KCNT2: variants seen among roughly 807,000 people sequenced by gnomAD.
KCNT2 encodes potassium channel subfamily T member 2.
KCNT2 carries 67 observed loss-of-function variants against 153.8 expected under a neutral mutation model. That is an observed-to-expected ratio of 0.44 (90% CI 0.36 to 0.53). The LOEUF (loss-of-function observed/expected upper bound fraction) is 0.53, where lower values mean the gene tolerates loss of function less well. Among genes scored for constraint, KCNT2 ranks in the 20% least tolerant of loss-of-function variants. KCNT2 has a pLI of 0.00. For synonymous variants in KCNT2, 500 were observed against 458.8 expected, an observed-to-expected ratio of 1.09 and a Z score of -1.15; for missense variants, 975 against 1,354.8, an observed-to-expected ratio of 0.72 and a Z score of 4.40.
At chr1:196,576,086 ATATATG>A (rs72389184) in intron 1 of KCNT2, among the ~76,000 whole-genome samples, 63 of 150,322 alleles carry the variant, frequency 4.2e-4, no homozygotes, top group East Asian at 2.1e-3. Flanking sequence ...ATATATATAT[ATATATG>A]TGTGTGTGTG....
Position 196,607,368 on chromosome 1 carries a change from G to A in KCNT2, c.95+847C>T, listed in dbSNP as rs192900090. 4.6e-5 allele frequency among the ~76,000 whole-genome samples: 7 copies of A among 152,314 alleles called. No homozygotes were observed. In the East Asian group the frequency reaches 7.7e-4, roughly 17 times the overall value. On this transcript the variant is annotated intron_variant, in intron 1 of 27. Transcript: ENST00000294725. ...TATTCCAGAAAATACTAAATTCGCT[G>A]AAATACAAAATGTGCTTGAGACAGA...
intron 26 of KCNT2, among the ~76,000 whole-genome samples, chr1:196,249,825 T>C (rs550397465): frequency 6.6e-6 from 1 of 151,030 alleles, no homozygotes; most frequent in Admixed American, 6.6e-5. Flanking sequence ...AACAATCTGA[T>C]AAAATCAAGA....
At chr1:196,316,250 G>A (rs1012611841) in intron 20 of KCNT2, among the ~76,000 whole-genome samples, 1 of 151,444 alleles carries the variant, frequency 6.6e-6, no homozygotes, top group Admixed American at 6.6e-5. Context: ...GATCTCAACT[G>A]TTTCAAAATA....
At chr1:196,409,053 G>GCA (rs1174554411) in intron 12 of KCNT2, among the ~76,000 whole-genome samples, 4 of 148,422 alleles carry the variant, frequency 2.7e-5, no homozygotes, top group Non-Finnish European at 6.0e-5. Context: ...TTTATATGAA[G>GCA]CACACACACA....
intron 14 of KCNT2, among the ~76,000 whole-genome samples, chr1:196,369,580 G>T (rs1170743772): frequency 6.6e-6 from 1 of 151,640 alleles, no homozygotes; most frequent in African/African-American, 2.4e-5. Flanking sequence ...GTGGTGTTTG[G>T]TTTTTTGTTC....
chr1:196,336,920 C>T (rs1418333583), intron 16 of KCNT2, among the ~76,000 whole-genome samples: 6 of 152,114 alleles, frequency 3.9e-5, no homozygotes, highest in Non-Finnish European at 8.8e-5. Context: ...TTCTTCTCAT[C>T]CCCCTGATAC....
In KCNT2 at chr1:196,299,052, C is replaced by A. The variant is rs188783598; in HGVS notation, c.2595+6182G>T. ...CAAAAGCAATTTTAAAGAAAGCAGT[C>A]TTGAAGCAAATTGTGCACAGATACA... On this transcript the variant is annotated intron_variant, in intron 22 of 27. Transcript: ENST00000294725. Among the ~76,000 whole-genome samples, 6 of 151,914 alleles carry A rather than the reference C, an allele frequency of 3.9e-5. No homozygotes were observed. In the East Asian group the frequency reaches 1.2e-3, roughly 29 times the overall value.
chr1:196,407,312 G>A (rs1671908329), intron 12 of KCNT2, among the ~76,000 whole-genome samples: 1 of 151,428 alleles, frequency 6.6e-6, no homozygotes, highest in Admixed American at 6.6e-5. Context: ...AGGTTATCTT[G>A]ACGGCGTGTA....
chr1:196,602,872 C>T (rs568339298), intron 1 of KCNT2, among the ~76,000 whole-genome samples: 4 of 149,074 alleles, frequency 2.7e-5, no homozygotes, highest in East Asian at 2.0e-4. Flanking sequence ...CTGCAAGCTC[C>T]GCCTCCCAGG....
intron 1 of KCNT2, among the ~76,000 whole-genome samples, chr1:196,603,066 G>A (rs1165538890): frequency 3.9e-5 from 6 of 152,060 alleles, no homozygotes; most frequent in African/African-American, 9.7e-5. Flanking sequence ...GATTACAGGC[G>A]TGAGCCACCG....
At chr1:196,230,620 T>C (rs1653868648) in intron 27 of KCNT2, among the ~76,000 whole-genome samples, 1 of 151,950 alleles carries the variant, frequency 6.6e-6, no homozygotes, top group African/African-American at 2.4e-5. Flanking sequence ...TCGATGACTT[T>C]GAGGGGATCA....
rs139358719 is a variant in KCNT2, at chr1:196,294,792, G to GATAT, written c.2596-9038_2596-9035dup. On this transcript the variant is annotated intron_variant, in intron 22 of 27. Coordinates refer to ENST00000294725, the MANE Select transcript of KCNT2 (RefSeq NM_198503.5). Reference sequence around the variant, plus strand: ...TCAGATTAACGGATAAAGAAAATATGATATATATATATATATACATAATGG... The same window carrying GATAT: ...TCAGATTAACGGATAAAGAAAATATGATATATATATATATATATATACATAATGG... Among the ~76,000 whole-genome samples, 14 of 147,278 alleles carry GATAT rather than the reference G, an allele frequency of 9.5e-5. No homozygotes were observed. The East Asian group carries it at 1.0e-3, about 11-fold the overall frequency.
chr1:196,595,278 TTAA>T (rs1171893527), intron 1 of KCNT2, among the ~76,000 whole-genome samples: 1 of 152,078 alleles, frequency 6.6e-6, no homozygotes, highest in African/African-American at 2.4e-5. Flanking sequence ...TATTAATGAA[TTAA>T]TGATATTAAT....
chr1:196,521,240 T>C (rs1050154006), intron 1 of KCNT2, among the ~76,000 whole-genome samples: 1 of 152,132 alleles, frequency 6.6e-6, no homozygotes, highest in African/African-American at 2.4e-5. Context: ...AAAACCACAA[T>C]GATATACCAT....
chr1:196,563,948 C>CA (rs1210035659), intron 1 of KCNT2, among the ~76,000 whole-genome samples: 2 of 151,782 alleles, frequency 1.3e-5, no homozygotes, highest in African/African-American at 2.4e-5. Context: ...AAATCAGGAA[C>CA]AAAAAAGCAA....
chr1:196,458,770 A>T (rs539592435), intron 8 of KCNT2, among the ~76,000 whole-genome samples: 1 of 151,960 alleles, frequency 6.6e-6, no homozygotes, highest in African/African-American at 2.4e-5. Flanking sequence ...TTTGTACAAC[A>T]AAATATTATC....
chr1:196,367,229 T>TA (rs527510628), intron 14 of KCNT2, among the ~76,000 whole-genome samples: 59 of 151,592 alleles, frequency 3.9e-4, no homozygotes, highest in Middle Eastern at 6.8e-3. Context: ...TAAAGAACTA[T>TA]AAAAAAAAAT....
intron 22 of KCNT2, among the ~76,000 whole-genome samples, chr1:196,291,771 C>T (rs180869631): frequency 1.0e-3 from 158 of 152,148 alleles, no homozygotes; most frequent in Non-Finnish European, 2.0e-3. Flanking sequence ...TCTGCACTTC[C>T]GACTTATTTT....
chr1:196,398,682 C>G lies in KCNT2; in HGVS notation c.1186-11G>C. ...AATTGTTTGGTGATCCTGAAGTGAT[C>G]AAAATAAAAACATCATAGCATAAGT... On this transcript the variant is annotated splice_polypyrimidine_tract_variant and intron_variant, in intron 12 of 27. Coordinates refer to ENST00000294725, the MANE Select transcript of KCNT2 (RefSeq NM_198503.5). 1 of 1,401,152 alleles carries G rather than the reference C, an allele frequency of 7.1e-7. No homozygotes were observed. The highest frequency in any genetic ancestry group is 1.0e-6 in the Non-Finnish European group (1 of 997,850). The allele number at this position is 1,401,152 out of a possible 1,614,324, so 86.8% of individuals were successfully genotyped here.
Sources: allele counts gnomAD v4.1 joint callset (sites outside exome capture counted in the v4.1 genomes callset), GRCh38; gene constraint gnomAD v4.1.1; transcripts MANE v1.5; gene names NCBI Gene and HGNC (gene_info 2026-07-23, HGNC 2026-07-21).